The following CHST9 variants were observed in gnomAD, a reference collection of about 807,000 sequenced individuals.
The protein encoded by CHST9 is carbohydrate sulfotransferase 9.
In CHST9, 41 loss-of-function variants were observed where a neutral mutation model predicts 44.4. That is an observed-to-expected ratio of 0.92 (90% CI 0.72 to 1.20). The LOEUF (loss-of-function observed/expected upper bound fraction) is 1.20, where lower values mean the gene tolerates loss of function less well. CHST9 is among the 50% of genes most tolerant of loss of function. CHST9 has a pLI of 0.00. For missense variants in CHST9, 504 were observed against 516.5 expected, an observed-to-expected ratio of 0.98 and a Z score of 0.23; for synonymous variants, 171 against 178.4, an observed-to-expected ratio of 0.96 and a Z score of 0.33.
At chr18:27,138,678 A>G (rs2058538061) in intron 2 of CHST9, among the ~76,000 whole-genome samples, 1 of 152,194 alleles carries the variant, frequency 6.6e-6, no homozygotes. Flanking sequence ...TTTGCCAGGC[A>G]CCATGCTGAG....
intron 3 of CHST9, among the ~76,000 whole-genome samples, chr18:27,048,087 A>G (rs148148743): frequency 1.2e-4 from 18 of 152,262 alleles, no homozygotes; most frequent in South Asian, 6.2e-4. Flanking sequence ...CATCCACTAC[A>G]TATACGGTTT....
intron 1 of CHST9, among the ~76,000 whole-genome samples, chr18:27,165,045 G>A (rs2058779151): frequency 6.6e-6 from 1 of 152,162 alleles, no homozygotes; most frequent in Non-Finnish European, 1.5e-5. Flanking sequence ...AGGAGAGAGA[G>A]AAAAGAAAAT....
chr18:27,100,526 A>AG (rs2058160836), intron 2 of CHST9, among the ~76,000 whole-genome samples: 1 of 152,210 alleles, frequency 6.6e-6, no homozygotes, highest in South Asian at 2.1e-4. Context: ...AGTTAGGGAA[A>AG]GGGGGGCACT....
intron 1 of CHST9, among the ~76,000 whole-genome samples, chr18:27,146,282 C>G (rs2058611529): frequency 2.0e-5 from 3 of 152,150 alleles, no homozygotes; most frequent in Admixed American, 2.0e-4. Context: ...GTTATTATGG[C>G]AGATGTGAGT....
chr18:27,052,777 A>G (rs1428531870), intron 2 of CHST9, among the ~76,000 whole-genome samples: 3 of 152,164 alleles, frequency 2.0e-5, no homozygotes, highest in Admixed American at 6.5e-5. Flanking sequence ...TTGCAGGGAC[A>G]TGGATGAAGC....
intron 2 of CHST9, among the ~76,000 whole-genome samples, chr18:27,050,469 G>C (rs2057552906): frequency 6.6e-6 from 1 of 152,150 alleles, no homozygotes; most frequent in African/African-American, 2.4e-5. Flanking sequence ...GCCACACGTT[G>C]AAGCTACATG....
intron 4 of CHST9, among the ~76,000 whole-genome samples, chr18:27,004,672 A>G (rs2056993476): frequency 6.6e-6 from 1 of 152,134 alleles, no homozygotes; most frequent in Non-Finnish European, 1.5e-5. Flanking sequence ...TTTCACAGTA[A>G]TTTTGTTCTA....
chr18:26,922,406 TTTGA>T (rs2055674436), intron 5 of CHST9, among the ~76,000 whole-genome samples: 1 of 152,190 alleles, frequency 6.6e-6, no homozygotes, highest in Non-Finnish European at 1.5e-5. Context: ...TCCACAGTTA[TTTGA>T]TTGTTTTGTT....
chr18:27,120,935 G>A (rs1163794582), intron 2 of CHST9, among the ~76,000 whole-genome samples: 1 of 152,140 alleles, frequency 6.6e-6, no homozygotes, highest in Non-Finnish European at 1.5e-5. Context: ...TAAGAGATGA[G>A]CAATTCTACC....
rs1264566925 is a variant in CHST9 at position 26,909,969 on chromosome 18, G to A, written c.*6290C>T. 1 of 152,206 alleles carries A rather than the reference G, an allele frequency of 6.6e-6. No homozygotes were observed. Among genetic ancestry groups the A allele is most frequent in the African/African-American group, 2.4e-5 (1 of 41,436 alleles). 9.4% of individuals were successfully genotyped at this position (152,206 alleles called of 1,614,324 possible). Reference sequence around the variant, plus strand: ...GGCTGGGAAGCAGGTGATTTTTAGAGTTGAGGAAGCGGGCACACCTGCAAA... The same window carrying A: ...GGCTGGGAAGCAGGTGATTTTTAGAATTGAGGAAGCGGGCACACCTGCAAA... On this transcript the variant is annotated 3_prime_UTR_variant, in exon 6 of 6. Transcript: ENST00000618847.
chr18:26,979,196 C>G (rs1242240648), intron 4 of CHST9, among the ~76,000 whole-genome samples: 1 of 152,016 alleles, frequency 6.6e-6, no homozygotes, highest in African/African-American at 2.4e-5. Context: ...TGCCTTTTAT[C>G]TTCTTGCTGG....
At position 26,912,130 on chromosome 18, in the gene CHST9, T is replaced by G. The variant is rs2055447782; in HGVS notation, c.*4129A>C. 6.6e-6 allele frequency: 1 copy of G among 152,190 alleles called. No homozygotes were observed. 9.4% of individuals were successfully genotyped at this position (152,190 alleles called of 1,614,324 possible). A position where few individuals can be genotyped will look rare whatever the true frequency, so the allele number is the denominator to read the frequency against. On this transcript the variant is annotated 3_prime_UTR_variant, in exon 6 of 6. Coordinates refer to ENST00000618847, the MANE Select transcript of CHST9 (RefSeq NM_031422.6). ...TCTTCCTCTTAGATTCTGCTTATCC[T>G]TGACTGGTCTTGTAGCTGTCTGGAA...
At chr18:27,035,696 A>T (rs1010988046) in intron 3 of CHST9, among the ~76,000 whole-genome samples, 1 of 152,206 alleles carries the variant, frequency 6.6e-6, no homozygotes, top group Non-Finnish European at 1.5e-5. Context: ...AATAAGCCAG[A>T]GGCAGAAAGA....
At chr18:26,931,697 C>T (rs2055880665) in intron 5 of CHST9, among the ~76,000 whole-genome samples, 1 of 152,148 alleles carries the variant, frequency 6.6e-6, no homozygotes, top group South Asian at 2.1e-4. Flanking sequence ...TACAGGAGAC[C>T]TCCTGAAGCA....
At chr18:27,021,613 C>T (rs929636828) in intron 4 of CHST9, among the ~76,000 whole-genome samples, 2 of 152,102 alleles carry the variant, frequency 1.3e-5, no homozygotes, top group African/African-American at 4.8e-5. Flanking sequence ...CTTTTAATTC[C>T]GCTCAAAAAT....
chr18:26,930,117 C>G (rs921221547), intron 5 of CHST9, among the ~76,000 whole-genome samples: 1 of 152,200 alleles, frequency 6.6e-6, no homozygotes, highest in Non-Finnish European at 1.5e-5. Context: ...GCATATTTGA[C>G]AACTCAGCTA....
intron 4 of CHST9, among the ~76,000 whole-genome samples, chr18:26,978,640 T>C (rs1243575375): frequency 6.6e-6 from 1 of 152,250 alleles, no homozygotes; most frequent in Non-Finnish European, 1.5e-5. Flanking sequence ...CTTCCAGTGT[T>C]GCTTCTAACA....
intron 5 of CHST9, 70 bp from the exon 6 acceptor site, chr18:26,917,420 C>G: frequency 6.7e-7 from 1 of 1,495,164 alleles, no homozygotes; most frequent in East Asian, 2.3e-5. Flanking sequence ...TAAGGAACTT[C>G]ACATATTTGT....
chr18:27,173,218 C>T (rs1372953519), intron 1 of CHST9, among the ~76,000 whole-genome samples: 1 of 151,908 alleles, frequency 6.6e-6, no homozygotes, highest in Non-Finnish European at 1.5e-5. Flanking sequence ...TAATTGTATA[C>T]CTGTGTTATT....
Sources: gnomAD v4.1 joint callset for allele counts (sites outside exome capture counted in the v4.1 genomes callset) on GRCh38, gnomAD v4.1.1 for gene constraint, MANE v1.5 for transcripts, NCBI Gene and HGNC (gene_info 2026-07-23, HGNC 2026-07-21) for gene names.